RADX: variants seen among roughly 807,000 people sequenced by gnomAD.
RADX encodes the protein RPA1 related single stranded DNA binding protein, X-linked, also known as RPA-related protein RADX.
Under a neutral mutation model 61.6 loss-of-function variants are expected in RADX, and 36 were observed. That is an observed-to-expected ratio of 0.58 (90% CI 0.45 to 0.77). The LOEUF (loss-of-function observed/expected upper bound fraction) is 0.77, where lower values mean the gene tolerates loss of function less well. Ranked by LOEUF, RADX falls within the 30% of genes least tolerant of loss-of-function variation. RADX has a pLI of 0.00. For missense variants in RADX, 497 were observed against 651.1 expected (o/e 0.76, Z 2.58); for synonymous variants, 272 against 237.9 (o/e 1.14, Z -1.32).
rs1928571080 is a variant in RADX at position 106,678,709 on chromosome X, C to G, written c.*451C>G. The G allele has an allele frequency of 8.9e-6, 1 of 112,920 alleles. No homozygotes were observed. Among genetic ancestry groups the G allele is most frequent in the African/African-American group, 3.2e-5 (1 of 30,835 alleles). The allele number at this position is 112,920 out of a possible 1,213,427, so 9.3% of individuals were successfully genotyped here. ...AGACTGTTCTCCTAAAGTGTTCAACCTGCACTTCTTACAACCAAGGTAGTT... is the reference window on the plus strand; with the variant it reads ...AGACTGTTCTCCTAAAGTGTTCAACGTGCACTTCTTACAACCAAGGTAGTT... On this transcript the variant is annotated 3_prime_UTR_variant, in exon 14 of 14. Coordinates refer to ENST00000372548, the MANE Select transcript of RADX (RefSeq NM_018015.6).
At chrX:106,635,379 A>G (rs1244838503) in intron 6 of RADX, among the ~76,000 whole-genome samples, 1 of 111,511 alleles carries the variant, frequency 9.0e-6, no homozygotes, top group Non-Finnish European at 1.9e-5. Flanking sequence ...CCATGAATTT[A>G]GAATTAGAGG....
At chrX:106,621,740 A>G (rs1345161454) in intron 1 of RADX, among the ~76,000 whole-genome samples, 3 of 110,412 alleles carry the variant, frequency 2.7e-5, no homozygotes, top group African/African-American at 9.9e-5. Flanking sequence ...TATCACTGAG[A>G]AGGTGATATT....
At chrX:106,639,017 T>C (rs1927438299) in intron 8 of RADX, among the ~76,000 whole-genome samples, 1 of 111,877 alleles carries the variant, frequency 8.9e-6, no homozygotes. Flanking sequence ...CTACTATTAA[T>C]ATACTTTTTA....
At chrX:106,653,104 AC>A (rs920320167) in intron 11 of RADX, among the ~76,000 whole-genome samples, 1 of 71,038 alleles carries the variant, frequency 1.4e-5, no homozygotes, top group Non-Finnish European at 2.9e-5. Context: ...AGAATTCATC[AC>A]CACGAGACCT....
intron 6 of RADX, among the ~76,000 whole-genome samples, chrX:106,633,701 G>A (rs1927294296): frequency 2.7e-5 from 3 of 111,684 alleles, no homozygotes; most frequent in Non-Finnish European, 3.8e-5. Flanking sequence ...GGTTCCGGTC[G>A]AATATTAAAT....
At chrX:106,671,607 A>G (rs759711512) in intron 13 of RADX, among the ~76,000 whole-genome samples, 8 of 111,847 alleles carry the variant, frequency 7.2e-5, no homozygotes, top group Non-Finnish European at 1.3e-4. Flanking sequence ...ATGGTTCTCT[A>G]AAATGGTGAT....
chrX:106,639,420 TGTA>T (rs1927448297), intron 8 of RADX, 104 bp from the exon 9 acceptor site: 1 of 628,000 alleles, frequency 1.6e-6, no homozygotes, highest in Non-Finnish European at 2.4e-6. Context: ...TCACAGTTAA[TGTA>T]GTAAGTTTAT....
chrX:106,669,197 C>T lies in RADX; in HGVS notation c.2304C>T (p.Phe768=). 8.3e-7 allele frequency: 1 copy of T among 1,204,903 alleles called. No homozygotes were observed. Among genetic ancestry groups the T allele is most frequent in the Non-Finnish European group, 1.1e-6 (1 of 889,794 alleles). ...LNHEIAIDVA[F]LPMYCPEDIR... Reference sequence around the variant, plus strand: ...ATGAGATAGCAATCGATGTTGCTTTCCTACCCATGTATTGTCCAGAAGATA... The same window carrying T: ...ATGAGATAGCAATCGATGTTGCTTTTCTACCCATGTATTGTCCAGAAGATA... Residue 768 remains phenylalanine (F), a synonymous_variant, in exon 13 of 14, where the codon TTC becomes TTT. Coordinates refer to ENST00000372548, the MANE Select transcript of RADX (RefSeq NM_018015.6).
intron 11 of RADX, among the ~76,000 whole-genome samples, chrX:106,654,402 T>C (rs1927882045): frequency 9.0e-6 from 1 of 111,265 alleles, no homozygotes; most frequent in African/African-American, 3.3e-5. Context: ...TTCTTGTAAA[T>C]TTGTTTAAGT....
intron 10 of RADX, among the ~76,000 whole-genome samples, chrX:106,643,161 C>A (rs188783200): frequency 9.0e-6 from 1 of 110,986 alleles, no homozygotes; most frequent in African/African-American, 3.3e-5. Flanking sequence ...ATCTTTTGCC[C>A]GCTTTTTATT....
intron 12 of RADX, among the ~76,000 whole-genome samples, chrX:106,664,853 A>G (rs1928189460): frequency 9.0e-6 from 1 of 111,056 alleles, no homozygotes; most frequent in African/African-American, 3.3e-5. Flanking sequence ...TCCACTGCCA[A>G]GAACACATCC....
In RADX at chrX:106,639,625, G is replaced by T. The variant is rs1927454604; in HGVS notation, c.1672G>T (p.Ala558Ser). The change falls in exon 9 of 14, where the codon GCT (alanine) becomes TCT (serine). Residue 558 changes from alanine to serine, a missense_variant. Around this residue, in one of 3 missense-constraint regions of RADX, gnomAD observed 267 missense variants for 306.9 expected, o/e 0.87. Transcript: ENST00000372548. ...KRIAIQGIIT[A>S]IKYIPHSSAT... ...CATTGCAATTCAGGGGATAATTACT[G>T]CTATAAAGTATATCCCCCATAGCAG... 8.3e-7 allele frequency: 1 copy of T among 1,203,300 alleles called. No homozygotes were observed. Among genetic ancestry groups the T allele is most frequent in the Non-Finnish European group, 1.1e-6 (1 of 890,516 alleles).
intron 1 of RADX, among the ~76,000 whole-genome samples, chrX:106,615,357 C>T (rs1176033796): frequency 1.8e-5 from 2 of 111,388 alleles, no homozygotes; most frequent in East Asian, 2.8e-4. Context: ...GGCTTGTGGG[C>T]TGTATAATTT....
chrX:106,616,305 T>C (rs1013237500), intron 1 of RADX, among the ~76,000 whole-genome samples: 2 of 111,818 alleles, frequency 1.8e-5, no homozygotes, highest in Non-Finnish European at 3.8e-5. Context: ...GTTCACCTTT[T>C]CTTATGGTGA....
intron 12 of RADX, among the ~76,000 whole-genome samples, chrX:106,665,547 A>AC (rs1320525427): frequency 9.2e-6 from 1 of 109,251 alleles, no homozygotes; most frequent in Non-Finnish European, 1.9e-5. Flanking sequence ...CCCTCCCCCA[A>AC]CCCCCCGGTC....
intron 10 of RADX, among the ~76,000 whole-genome samples, chrX:106,642,789 C>T (rs73529271): frequency 0.051 from 5,668 of 111,373 alleles, 358 homozygotes; most frequent in African/African-American, 0.18. Flanking sequence ...TGCTGGATCA[C>T]ATTGTATTTC....
Position 106,668,446 on chromosome X carries a change from C to A in RADX, c.2270-717C>A, listed in dbSNP as rs186260764. Among the ~76,000 whole-genome samples the A allele has an allele frequency of 3.1e-3, 345 of 112,135 alleles. 3 individuals carry two copies. The highest frequency in any genetic ancestry group is 0.011 in the African/African-American group (335 of 30,899). On this transcript the variant is annotated intron_variant, in intron 12 of 13. Coordinates refer to ENST00000372548, the MANE Select transcript of RADX (RefSeq NM_018015.6). ...AGATGGTCTTTTACTCTGGTCTACA[C>A]CTTTGGCTTGTGCTATTCCCTGCCA... is the stretch of plus-strand genomic sequence containing the variant.
chrX:106,648,304 C>T lies in RADX; in HGVS notation c.1905-9C>T. 8.6e-7 allele frequency: 1 copy of T among 1,158,058 alleles called. No individual in the cohort carries two copies. The highest frequency in any genetic ancestry group is 1.2e-6 in the Non-Finnish European group (1 of 850,596). On this transcript the variant is annotated splice_polypyrimidine_tract_variant and intron_variant, in intron 10 of 13. Coordinates refer to ENST00000372548, the MANE Select transcript of RADX (RefSeq NM_018015.6). ...TAAGGATTGGTTATACTCTTCTTAT[C>T]CTTTATAGAGTTGCTGTACCTCAAC...
chrX:106,666,771 C>CA (rs961277280), intron 12 of RADX, among the ~76,000 whole-genome samples: 2 of 111,633 alleles, frequency 1.8e-5, no homozygotes, highest in South Asian at 3.8e-4. Flanking sequence ...AATACTTTGA[C>CA]AAAAAAATCT....
Sources: allele counts gnomAD v4.1 joint callset (sites outside exome capture counted in the v4.1 genomes callset), GRCh38; gene constraint gnomAD v4.1.1; regional missense constraint gnomAD v4.1.1; transcripts MANE v1.5; gene names NCBI Gene and HGNC (gene_info 2026-07-23, HGNC 2026-07-21).